Variants in TGFB2 observed in about 807,000 individuals in gnomAD.
TGFB2 encodes transforming growth factor beta-2 proprotein.
In TGFB2, 13 loss-of-function variants were observed where a neutral mutation model predicts 42.7. The ratio of observed to expected loss-of-function variants is 0.30; its 90% CI spans 0.20 to 0.48. The LOEUF is 0.48. Ranked by LOEUF, TGFB2 falls within the 20% of genes least tolerant of loss-of-function variation. The probability of loss-of-function intolerance (pLI) is 0.99; values close to 1 mark genes in which losing one functional copy is unlikely to be tolerated. For synonymous variants in TGFB2, 193 were observed against 193.6 expected (o/e 1.00, Z 0.03); for missense variants, 390 against 517.5 (o/e 0.75, Z 2.39).
In TGFB2 at chr1:218,444,571, G is replaced by A. The variant is rs1324095546; in HGVS notation, c.*3209G>A. 4 of 152,168 alleles carry A rather than the reference G, an allele frequency of 2.6e-5. 1 individual carries two copies. In the East Asian group the frequency reaches 7.7e-4, roughly 29 times the overall value. The allele number at this position is 152,168 out of a possible 1,614,324, so 9.4% of individuals were successfully genotyped here. On this transcript the variant is annotated 3_prime_UTR_variant, in exon 7 of 7. Transcript: ENST00000366930. ...CAAGACCAGACTCCTCAAACGAGTT[G>A]CCAATCTCTTAATAAATAGGATTAA...
rs1656683985 is a variant in TGFB2 at position 218,346,569 on chromosome 1, G to A, written c.-133G>A. 2.7e-6 allele frequency: 2 copies of A among 739,460 alleles called. No individual in the cohort carries two copies. Among genetic ancestry groups the A allele is most frequent in the Non-Finnish European group, 4.2e-6 (2 of 478,478 alleles). 45.8% of individuals were successfully genotyped at this position (739,460 alleles called of 1,614,324 possible). ...CTGTTGGGCATTGACTAGATTGTTTGCAAAAGTTTCGCATCAAAAACAACA... is the reference window on the plus strand; with the variant it reads ...CTGTTGGGCATTGACTAGATTGTTTACAAAAGTTTCGCATCAAAAACAACA... On this transcript the variant is annotated 5_prime_UTR_variant, in exon 1 of 7. Transcript: ENST00000366930. The surrounding 1 kb of genome is among the most constrained non-coding windows in gnomAD (Gnocchi z 4.9).
intron 1 of TGFB2, among the ~76,000 whole-genome samples, chr1:218,380,494 T>C (rs1043859454): frequency 2.0e-4 from 31 of 152,280 alleles, no homozygotes; most frequent in African/African-American, 6.7e-4. Context: ...TAGCAAATAG[T>C]ACAAATGTTT....
At chr1:218,350,807 A>G (rs1231008258) in intron 1 of TGFB2, among the ~76,000 whole-genome samples, 1 of 152,236 alleles carries the variant, frequency 6.6e-6, no homozygotes, top group Non-Finnish European at 1.5e-5. Context: ...GTGTGATGTT[A>G]GAACAGAGAA....
At chr1:218,370,024 A>C (rs1215268603) in intron 1 of TGFB2, among the ~76,000 whole-genome samples, 1 of 152,228 alleles carries the variant, frequency 6.6e-6, no homozygotes, top group Non-Finnish European at 1.5e-5. Context: ...AGTTGAGCCT[A>C]CTGTGTGCCA....
rs546505577 is a variant in TGFB2, at chr1:218,423,415, G to A, written c.511-10667G>A. 5.1e-4 allele frequency among the ~76,000 whole-genome samples: 77 copies of A among 152,312 alleles called. No homozygotes were observed. The South Asian group carries it at 6.6e-3, about 13-fold the overall frequency. ...AGCAAATCCCGTAGCATTGCATGGG[G>A]AACTAGGGAAAGGGACCTGACTTTA... On this transcript the variant is annotated intron_variant, in intron 2 of 6. Coordinates refer to ENST00000366930, the MANE Select transcript of TGFB2 (RefSeq NM_003238.6).
At chr1:218,435,855 C>A in intron 4 of TGFB2, 115 bp from the exon 5 acceptor site, 1 of 1,038,086 alleles carries the variant, frequency 9.6e-7, no homozygotes, top group Non-Finnish European at 1.4e-6. Context: ...CCAGCTGATG[C>A]TGCTTTGGTG....
rs1373261825 is a variant in TGFB2, at chr1:218,437,474, G to A, written c.1064G>A (p.Ser355Asn). Residue 355 changes from serine (S) to asparagine (N), a missense_variant, in exon 6 of 7, where the codon AGT (serine) becomes AAT (asparagine). Coordinates refer to ENST00000366930, the MANE Select transcript of TGFB2 (RefSeq NM_003238.6). The part of the protein sequence containing the change: ...FCAGACPYLW[S>N]SDTQHSRVLS... ...GCTGGAGCATGCCCGTATTTATGGA[G>A]TTCAGACACTCAGCACAGCAGGGTG... is the stretch of plus-strand genomic sequence containing the variant. 1.2e-6 allele frequency: 2 copies of A among 1,613,060 alleles called. No homozygotes were observed. The highest frequency in any genetic ancestry group is 1.7e-6 in the Non-Finnish European group (2 of 1,179,650).
At chr1:218,356,818 T>G (rs1162462326) in intron 1 of TGFB2, among the ~76,000 whole-genome samples, 2 of 152,150 alleles carry the variant, frequency 1.3e-5, no homozygotes, top group Non-Finnish European at 2.9e-5. Context: ...AGACCTCATC[T>G]CACCTCCGCA....
intron 1 of TGFB2, among the ~76,000 whole-genome samples, chr1:218,395,549 C>T (rs1038944659): frequency 6.6e-6 from 1 of 151,980 alleles, no homozygotes; most frequent in African/African-American, 2.4e-5. Context: ...GCTAGCCTCA[C>T]TTCGACTTTA....
chr1:218,428,166 C>T (rs2102619593), intron 2 of TGFB2, among the ~76,000 whole-genome samples: 1 of 152,262 alleles, frequency 6.6e-6, no homozygotes, highest in East Asian at 1.9e-4. Flanking sequence ...CCTTTGCCTA[C>T]TTTTTGATGG....
intron 1 of TGFB2, among the ~76,000 whole-genome samples, chr1:218,384,843 G>A (rs139995755): frequency 0.012 from 1,886 of 152,342 alleles, 22 homozygotes; most frequent in Non-Finnish European, 0.016. Flanking sequence ...CATGGCAGGA[G>A]GAGGTTCAGT....
At chr1:218,439,411 C>T (rs917033394) in intron 6 of TGFB2, among the ~76,000 whole-genome samples, 2 of 152,138 alleles carry the variant, frequency 1.3e-5, no homozygotes, top group Non-Finnish European at 2.9e-5. Context: ...CTACATTCAG[C>T]TGAATTCATG....
rs185616699 is a variant in TGFB2 at position 218,386,496 on chromosome 1, A to C, written c.347-18673A>C. Among the ~76,000 whole-genome samples the C allele has an allele frequency of 2.2e-4, 33 of 152,334 alleles. No homozygotes were observed. In the East Asian group the frequency reaches 3.9e-3, roughly 18 times the overall value. On this transcript the variant is annotated intron_variant, in intron 1 of 6. Transcript: ENST00000366930. ...GTGTAGCTGATTTATCAAGTAATCT[A>C]ATGGGCCAACAAAACTAATGACTCC... is the stretch of plus-strand genomic sequence containing the variant.
chr1:218,436,093 C>T lies in TGFB2; in HGVS notation c.878C>T (p.Ser293Leu), dbSNP rs758931687. ...LMLLPSYRLE[S>L]QQTNRRKKRA... ...TTATTGCCCTCCTACAGACTTGAGT[C>T]ACAACAGACCAACCGGCGGAAGAAG... is the stretch of plus-strand genomic sequence containing the variant. The change falls in exon 5 of 7, where the codon TCA becomes TTA. Residue 293 changes from serine (S) to leucine (L), a missense_variant. Transcript: ENST00000366930. 1 of 1,614,094 alleles carries T rather than the reference C, an allele frequency of 6.2e-7. No individual in the cohort carries two copies.
rs57818411 is a variant in TGFB2, at chr1:218,400,816, A to G, written c.347-4353A>G. On this transcript the variant is annotated intron_variant, in intron 1 of 6. Coordinates refer to ENST00000366930, the MANE Select transcript of TGFB2 (RefSeq NM_003238.6). ...GGTTGTGTGCCTGACCCCAACTGTC[A>G]TTGGGTGGAGGAAAACAGTGGCCAC... is the stretch of plus-strand genomic sequence containing the variant. Among the ~76,000 whole-genome samples the G allele has an allele frequency of 3.7e-3, 557 of 152,082 alleles. 3 individuals are homozygous for G. Among genetic ancestry groups the G allele is most frequent in the African/African-American group, 0.013 (546 of 41,494 alleles).
chr1:218,416,438 G>A (rs1438632560), intron 2 of TGFB2, among the ~76,000 whole-genome samples: 2 of 152,114 alleles, frequency 1.3e-5, no homozygotes, highest in Non-Finnish European at 2.9e-5. Flanking sequence ...TTCTAGAACT[G>A]TGGCAGAGTC....
chr1:218,395,219 A>C (rs1658462526), intron 1 of TGFB2, among the ~76,000 whole-genome samples: 1 of 152,160 alleles, frequency 6.6e-6, no homozygotes, highest in African/African-American at 2.4e-5. Context: ...CCTGGGCAAT[A>C]CTGGTATTAG....
intron 2 of TGFB2, among the ~76,000 whole-genome samples, chr1:218,408,311 A>T (rs1404929250): frequency 6.6e-6 from 1 of 151,996 alleles, no homozygotes; most frequent in Non-Finnish European, 1.5e-5. Context: ...GACCTTAGTG[A>T]GTTCTTGGTA....
intron 1 of TGFB2, among the ~76,000 whole-genome samples, chr1:218,374,489 G>T (rs895135408): frequency 7.2e-5 from 11 of 152,194 alleles, no homozygotes; most frequent in African/African-American, 2.7e-4. Flanking sequence ...CGGGGCCCCC[G>T]TGGTCTGCTG....
Sources: allele counts gnomAD v4.1 joint callset (sites outside exome capture counted in the v4.1 genomes callset), GRCh38; gene constraint gnomAD v4.1.1; non-coding constraint Gnocchi (gnomAD v3.1); transcripts MANE v1.5; gene names NCBI Gene and HGNC (gene_info 2026-07-23, HGNC 2026-07-21).